The following SLC31A2 variants were observed in gnomAD, a reference collection of about 807,000 sequenced individuals.
The protein encoded by SLC31A2 is solute carrier family 31 member 2.
A neutral mutation model predicts 14.4 loss-of-function variants in SLC31A2; 16 were observed. That is an observed-to-expected ratio of 1.11 (90% CI 0.75 to 1.69). The LOEUF (loss-of-function observed/expected upper bound fraction) is 1.69. SLC31A2 is among the 40% of genes most tolerant of loss of function. The probability of loss-of-function intolerance (pLI) is 0.00; values close to 1 mark genes in which losing one functional copy is unlikely to be tolerated. For synonymous variants in SLC31A2, 56 were observed against 68.7 expected, an observed-to-expected ratio of 0.82 and a Z score of 0.91; for missense variants, 140 against 173.9, an observed-to-expected ratio of 0.81 and a Z score of 1.10.
chr9:113,156,047 G>A (rs745620357), intron 1 of SLC31A2: 1 of 518,886 alleles, frequency 1.9e-6, no homozygotes, highest in South Asian at 1.4e-5. Flanking sequence ...GAAGTTTGTG[G>A]CTCTGGTTTC....
At chr9:113,158,261 A>G (rs997781136) in intron 2 of SLC31A2, among the ~76,000 whole-genome samples, 5 of 152,182 alleles carry the variant, frequency 3.3e-5, no homozygotes, top group African/African-American at 1.2e-4. Context: ...TTGAAAAGGC[A>G]GAGTTTGTCA....
At chr9:113,159,256 G>A (rs576513491) in intron 2 of SLC31A2, among the ~76,000 whole-genome samples, 2 of 152,136 alleles carry the variant, frequency 1.3e-5, no homozygotes, top group East Asian at 1.9e-4. Flanking sequence ...TCAGCCTACC[G>A]AGTAGCTGGG....
chr9:113,160,793 C>A (rs1461815841), intron 2 of SLC31A2, among the ~76,000 whole-genome samples: 1 of 152,178 alleles, frequency 6.6e-6, no homozygotes, highest in East Asian at 1.9e-4. Flanking sequence ...CATCAGTCAT[C>A]TCATTAGCAT....
chr9:113,156,303 C>CA (rs1175778707), intron 1 of SLC31A2: 8 of 395,256 alleles, frequency 2.0e-5, no homozygotes, highest in Non-Finnish European at 4.1e-5. Context: ...TCTTCATACT[C>CA]ATTTTCCTCA....
intron 3 of SLC31A2, chr9:113,162,293 A>C (rs560365727): frequency 8.2e-5 from 19 of 231,878 alleles, no homozygotes; most frequent in Non-Finnish European, 1.4e-4. Flanking sequence ...CTGATAAGGA[A>C]TCTTACGTTC....
At chr9:113,156,032 A>T in intron 1 of SLC31A2, 1 of 518,926 alleles carries the variant, frequency 1.9e-6, no homozygotes, top group South Asian at 1.4e-5. Context: ...TGTCGTCTGC[A>T]AGCAGAAGTT....
At chr9:113,153,933 T>G (rs1018462632) in intron 1 of SLC31A2, among the ~76,000 whole-genome samples, 1 of 152,054 alleles carries the variant, frequency 6.6e-6, no homozygotes, top group African/African-American at 2.4e-5. Flanking sequence ...TGCATAGATG[T>G]GGTGCCCCAT....
Position 113,162,866 on chromosome 9 carries a change from G to A in SLC31A2, c.381G>A (p.Leu127=), listed in dbSNP as rs748370981. The change falls in exon 4 of 4, where the codon TTG becomes TTA. Residue 127 remains leucine, a synonymous_variant. Transcript: ENST00000259392. ...YNTWIFLGVV[L]GSAVGYYLAY... ...CCTGGATTTTCCTTGGTGTGGTCTT[G>A]GGCTCTGCTGTGGGCTACTACCTAG... 1.9e-6 allele frequency: 3 copies of A among 1,613,276 alleles called. No homozygotes were observed. The South Asian group carries it at 3.3e-5, about 18-fold the overall frequency.
Position 113,151,034 on chromosome 9 carries a change from G to T in SLC31A2, c.-41G>T. On this transcript the variant is annotated 5_prime_UTR_variant, in exon 1 of 4. Coordinates refer to ENST00000259392, the MANE Select transcript of SLC31A2 (RefSeq NM_001860.3). This position sits in a 1 kb window ranked among gnomAD's most constrained non-coding sequence, Gnocchi z 4.2. The stretch of plus-strand genomic sequence containing the variant: ...ACTGACTCGGAGCGAGGAGACCCGA[G>T]CGAGCAGACGCGGCCCTGGCGCCCG... The T allele has an allele frequency of 7.7e-7, 1 of 1,299,672 alleles. No homozygotes were observed. The highest frequency in any genetic ancestry group is 9.8e-7 in the Non-Finnish European group (1 of 1,018,194). 80.5% of individuals were successfully genotyped at this position (1,299,672 alleles called of 1,614,324 possible). A position where few individuals can be genotyped will look rare whatever the true frequency, so the allele number is the denominator to read the frequency against.
At chr9:113,154,712 C>A (rs901138674) in intron 1 of SLC31A2, among the ~76,000 whole-genome samples, 1 of 152,212 alleles carries the variant, frequency 6.6e-6, no homozygotes, top group Non-Finnish European at 1.5e-5. Flanking sequence ...CTCTGTGGAT[C>A]CGGCTATAAC....
At chr9:113,155,260 C>G (rs1390626948) in intron 1 of SLC31A2, among the ~76,000 whole-genome samples, 1 of 152,230 alleles carries the variant, frequency 6.6e-6, no homozygotes, top group East Asian at 1.9e-4. Context: ...CCTTGGACTT[C>G]CAGTGCTGCC....
Position 113,156,507 on chromosome 9 carries a change from A to C in SLC31A2, c.7-1220A>C, listed in dbSNP as rs572964077. On this transcript the variant is annotated intron_variant, in intron 1 of 3. Coordinates refer to ENST00000259392, the MANE Select transcript of SLC31A2 (RefSeq NM_001860.3). ...AAAGCTGAAAGCCATGGGACTAAAAACTCTGAGGATACCTCTAGTGCTGAG... is the reference window on the plus strand; with the variant it reads ...AAAGCTGAAAGCCATGGGACTAAAACCTCTGAGGATACCTCTAGTGCTGAG... Among the ~76,000 whole-genome samples, 231 of 152,062 alleles carry C rather than the reference A, an allele frequency of 1.5e-3. 1 individual carries two copies. The highest frequency in any genetic ancestry group is 5.3e-3 in the African/African-American group (219 of 41,472).
intron 2 of SLC31A2, among the ~76,000 whole-genome samples, chr9:113,159,715 G>C (rs773672479): frequency 2.0e-5 from 3 of 152,142 alleles, no homozygotes; most frequent in Non-Finnish European, 4.4e-5. Flanking sequence ...CACAAGTTAA[G>C]GGTACAGTCC....
chr9:113,162,650 G>A, intron 3 of SLC31A2, 99 bp from the exon 4 acceptor site: 1 of 1,108,430 alleles, frequency 9.0e-7, no homozygotes, highest in Non-Finnish European at 1.3e-6. Context: ...AATCAATCGG[G>A]TCACGTAACT....
chr9:113,151,068 A>G lies in SLC31A2; in HGVS notation c.-7A>G. On this transcript the variant is annotated 5_prime_UTR_variant, in exon 1 of 4. Transcript: ENST00000259392. The surrounding 1 kb of genome is among the most constrained non-coding windows in gnomAD (Gnocchi z 4.2). ...CGCGGCCCTGGCGCCCGCCCTGCGCACTCACCATGGCGGTAAGGGCCGGGC... is the reference window on the plus strand; with the variant it reads ...CGCGGCCCTGGCGCCCGCCCTGCGCGCTCACCATGGCGGTAAGGGCCGGGC... The G allele has an allele frequency of 1.5e-6, 2 of 1,308,310 alleles. No homozygotes were observed. Among genetic ancestry groups the G allele is most frequent in the Non-Finnish European group, 9.8e-7 (1 of 1,021,304 alleles). The allele number at this position is 1,308,310 out of a possible 1,614,324, so 81.0% of individuals were successfully genotyped here.
chr9:113,162,258 G>A (rs1331537952), intron 3 of SLC31A2: 1 of 245,542 alleles, frequency 4.1e-6, no homozygotes, highest in East Asian at 1.4e-4. Flanking sequence ...TGCACTGCAA[G>A]GGAAGTATTC....
intron 2 of SLC31A2, among the ~76,000 whole-genome samples, chr9:113,160,222 T>A (rs1217696694): frequency 6.6e-6 from 1 of 151,366 alleles, no homozygotes; most frequent in African/African-American, 2.4e-5. Flanking sequence ...GTACAATGAA[T>A]AGCTGTGTGG....
chr9:113,161,761 C>G, intron 3 of SLC31A2, 63 bp downstream of exon 3: 1 of 1,558,902 alleles, frequency 6.4e-7, no homozygotes. Context: ...GACAGGCTGG[C>G]CCAGACAGCA....
At chr9:113,162,544 G>A in intron 3 of SLC31A2, 1 of 433,942 alleles carries the variant, frequency 2.3e-6, no homozygotes, top group Non-Finnish European at 3.9e-6. Context: ...ATGTAGTGAA[G>A]ATATGTCTCT....
Sources: gnomAD v4.1 joint callset for allele counts (sites outside exome capture counted in the v4.1 genomes callset) on GRCh38, gnomAD v4.1.1 for gene constraint, Gnocchi (gnomAD v3.1) non-coding constraint, MANE v1.5 for transcripts, NCBI Gene and HGNC (gene_info 2026-07-23, HGNC 2026-07-21) for gene names.